Variants in SMYD3 observed in about 807,000 individuals in gnomAD.
The protein encoded by SMYD3 is SET and MYND domain containing 3.
A neutral mutation model predicts 57.7 loss-of-function variants in SMYD3; 36 were observed. The observed-to-expected ratio is 0.62, with a 90% CI of 0.48 to 0.82. SMYD3 has a LOEUF of 0.82. Ranked by LOEUF, SMYD3 falls within the 40% of genes least tolerant of loss-of-function variation. SMYD3 has a pLI of 0.00. For missense variants in SMYD3, 515 were observed against 538.8 expected (o/e 0.96, Z 0.44); for synonymous variants, 211 against 195.0 (o/e 1.08, Z -0.68).
At chr1:246,280,553 T>C (rs762370581) in intron 5 of SMYD3, among the ~76,000 whole-genome samples, 1 of 152,180 alleles carries the variant, frequency 6.6e-6, no homozygotes, top group Non-Finnish European at 1.5e-5. Context: ...AGCCCAGGCG[T>C]TCGAGTCCAG....
chr1:245,846,696 A>T (rs1485442473), intron 10 of SMYD3, among the ~76,000 whole-genome samples: 1 of 152,218 alleles, frequency 6.6e-6, no homozygotes, highest in East Asian at 1.9e-4. Flanking sequence ...GTAGCCTCTT[A>T]ATAAATAACA....
chr1:245,985,544 T>C (rs2058687690), intron 5 of SMYD3, among the ~76,000 whole-genome samples: 1 of 152,152 alleles, frequency 6.6e-6, no homozygotes, highest in Non-Finnish European at 1.5e-5. Flanking sequence ...ACAATCACAG[T>C]TCAGAGGTGG....
At chr1:246,350,110 G>A (rs1010096823) in intron 2 of SMYD3, among the ~76,000 whole-genome samples, 2 of 152,312 alleles carry the variant, frequency 1.3e-5, no homozygotes, top group Admixed American at 6.5e-5. Context: ...AAGAAAAGCA[G>A]AAAGAGCTAC....
intron 5 of SMYD3, among the ~76,000 whole-genome samples, chr1:246,137,274 C>T (rs1247039262): frequency 6.6e-6 from 1 of 152,146 alleles, no homozygotes; most frequent in Admixed American, 6.5e-5. Context: ...GCCATTTCTC[C>T]TCACCTGAGT....
intron 1 of SMYD3, among the ~76,000 whole-genome samples, chr1:246,471,047 T>C (rs1022666971): frequency 6.6e-5 from 10 of 152,028 alleles, no homozygotes; most frequent in African/African-American, 2.4e-4. Context: ...ATAAAGCCAA[T>C]AGAGCAAATG....
intron 10 of SMYD3, among the ~76,000 whole-genome samples, chr1:245,804,856 C>T (rs2048062888): frequency 6.6e-6 from 1 of 152,170 alleles, no homozygotes; most frequent in Admixed American, 6.5e-5. Context: ...CTCAGCCTCT[C>T]CAACTGTGCT....
intron 5 of SMYD3, among the ~76,000 whole-genome samples, chr1:246,104,567 C>T (rs2061082244): frequency 6.6e-6 from 1 of 152,094 alleles, no homozygotes; most frequent in Admixed American, 6.5e-5. Context: ...ATAAAAGTGA[C>T]ACATGGGGCA....
At chr1:245,752,380 C>T (rs1359337885) in intron 11 of SMYD3, among the ~76,000 whole-genome samples, 3 of 152,190 alleles carry the variant, frequency 2.0e-5, no homozygotes, top group Non-Finnish European at 4.4e-5. Context: ...ATTTCCAGAC[C>T]AGCCTCTTTT....
intron 5 of SMYD3, among the ~76,000 whole-genome samples, chr1:246,281,038 A>G (rs1264267387): frequency 6.6e-6 from 1 of 152,248 alleles, no homozygotes; most frequent in Non-Finnish European, 1.5e-5. Context: ...AATGCACTCA[A>G]TAGACATTTA....
At chr1:245,888,317 G>C (rs1274047402) in intron 8 of SMYD3, among the ~76,000 whole-genome samples, 1 of 152,160 alleles carries the variant, frequency 6.6e-6, no homozygotes, top group Non-Finnish European at 1.5e-5. Context: ...TGAGAAATTG[G>C]ACAAAGATAG....
chr1:246,502,135 C>CTTTT (rs56336266), intron 1 of SMYD3, among the ~76,000 whole-genome samples: 15 of 145,908 alleles, frequency 1.0e-4, no homozygotes, highest in Non-Finnish European at 1.3e-4. Context: ...ATGCAGCTGC[C>CTTTT]TTTTTTTTTT....
intron 1 of SMYD3, among the ~76,000 whole-genome samples, chr1:246,476,013 T>A (rs199972225): frequency 6.6e-6 from 1 of 152,228 alleles, no homozygotes; most frequent in East Asian, 1.9e-4. Context: ...ACAGGTAATA[T>A]AGAAATACAG....
chr1:246,442,604 T>C (rs893765015), intron 1 of SMYD3, among the ~76,000 whole-genome samples: 3 of 151,436 alleles, frequency 2.0e-5, no homozygotes, highest in African/African-American at 7.3e-5. Context: ...AAAGTAAAAG[T>C]AGTTACACAG....
intron 10 of SMYD3, among the ~76,000 whole-genome samples, chr1:245,835,345 C>T (rs968966926): frequency 1.3e-5 from 2 of 152,178 alleles, no homozygotes; most frequent in South Asian, 2.1e-4. Context: ...GTCTCGATCT[C>T]TTGACCTCGT....
chr1:246,396,159 T>C (rs1193393618), intron 1 of SMYD3, among the ~76,000 whole-genome samples: 2 of 152,170 alleles, frequency 1.3e-5, no homozygotes, highest in African/African-American at 2.4e-5. Flanking sequence ...AAATACTATT[T>C]ACTTTAGGAT....
chr1:245,877,139 C>T (rs780618157), intron 8 of SMYD3, among the ~76,000 whole-genome samples: 6 of 152,164 alleles, frequency 3.9e-5, no homozygotes, highest in South Asian at 2.1e-4. Context: ...GGCAGGGCGG[C>T]GCTGCGGAGA....
rs532213872 is a variant in SMYD3 at position 246,385,127 on chromosome 1, T to C, written c.165-30033A>G. 7.9e-5 allele frequency among the ~76,000 whole-genome samples: 12 copies of C among 152,322 alleles called. No homozygotes were observed. In the South Asian group the frequency reaches 1.7e-3, roughly 21 times the overall value. On this transcript the variant is annotated intron_variant, in intron 1 of 11. Transcript: ENST00000490107. ...TAGGTTTTTCCTATGTGCTCAAATA[T>C]TGAAAATTTATCTTTTGTCTCCAGC...
At chr1:245,841,205 A>G (rs1057447350) in intron 10 of SMYD3, among the ~76,000 whole-genome samples, 1 of 152,346 alleles carries the variant, frequency 6.6e-6, no homozygotes. Flanking sequence ...CTTTTTTAAA[A>G]TAAAGATTTA....
At chr1:245,921,566 T>TATATATATATATATATATATAG (rs1558496909) in intron 7 of SMYD3, among the ~76,000 whole-genome samples, 1 of 106,144 alleles carries the variant, frequency 9.4e-6, no homozygotes, top group African/African-American at 3.4e-5. Context: ...TATATATATA[T>TATATATATATATATATATATAG]ATATACACAT....
Sources: allele counts gnomAD v4.1 joint callset (sites outside exome capture counted in the v4.1 genomes callset), GRCh38; gene constraint gnomAD v4.1.1; transcripts MANE v1.5; gene names NCBI Gene and HGNC (gene_info 2026-07-23, HGNC 2026-07-21).